The following EHD4 variants were observed in gnomAD, a reference collection of about 807,000 sequenced individuals.
EHD4 encodes EH domain-containing protein 4.
Under a neutral mutation model 51.0 loss-of-function variants are expected in EHD4, and 37 were observed. The ratio of observed to expected loss-of-function variants is 0.73; its 90% CI spans 0.56 to 0.95. The LOEUF is 0.95. EHD4 is among the 40% of genes least tolerant of loss of function. The probability of loss-of-function intolerance (pLI) is 0.00; values close to 1 mark genes in which losing one functional copy is unlikely to be tolerated. For synonymous variants in EHD4, 297 were observed against 317.3 expected (o/e 0.94, Z 0.68); for missense variants, 632 against 733.1 (o/e 0.86, Z 1.59).
At chr15:41,970,573 T>C (rs1216781196) in intron 1 of EHD4, among the ~76,000 whole-genome samples, 5 of 152,268 alleles carry the variant, frequency 3.3e-5, no homozygotes, top group African/African-American at 9.6e-5. Context: ...GTTGTATTCA[T>C]CTTCCTGGGA....
intron 5 of EHD4, among the ~76,000 whole-genome samples, 192 bp from the exon 6 acceptor site, chr15:41,901,373 T>C (rs12441018): frequency 6.6e-6 from 1 of 152,116 alleles, no homozygotes; most frequent in East Asian, 1.9e-4. Context: ...AAGAAACAAG[T>C]GTTTTTCCTA....
intron 3 of EHD4, 113 bp from the exon 4 acceptor site, chr15:41,919,735 C>G: frequency 9.2e-7 from 1 of 1,088,428 alleles, no homozygotes; most frequent in Non-Finnish European, 1.2e-6. Flanking sequence ...AGCCCTGTCT[C>G]CAACCTGGAG....
intron 4 of EHD4, 103 bp from the exon 5 acceptor site, chr15:41,909,966 C>T: frequency 1.4e-6 from 2 of 1,432,276 alleles, no homozygotes; most frequent in Non-Finnish European, 1.9e-6. Context: ...TAACAGGTAC[C>T]CACACAAACC....
chr15:41,948,229 G>T (rs914260564), intron 2 of EHD4, among the ~76,000 whole-genome samples: 1 of 152,124 alleles, frequency 6.6e-6, no homozygotes, highest in Non-Finnish European at 1.5e-5. Flanking sequence ...CTCCAGCATA[G>T]GTGATGGAGC....
Position 41,903,858 on chromosome 15 carries a change from C to T in EHD4, c.1090-2677G>A, listed in dbSNP as rs913083319. 2.0e-5 allele frequency among the ~76,000 whole-genome samples: 3 copies of T among 152,152 alleles called. No homozygotes were observed. In the South Asian group the frequency reaches 6.2e-4, roughly 32 times the overall value. ...CAGCCATCAAACCATGCAAACCCAG[C>T]GTGTGGCCCCTGCTCAGCTCAGAGC... On this transcript the variant is annotated intron_variant, in intron 5 of 5. Coordinates refer to ENST00000220325, the MANE Select transcript of EHD4 (RefSeq NM_139265.4).
intron 1 of EHD4, among the ~76,000 whole-genome samples, chr15:41,970,090 G>A (rs2067986328): frequency 1.3e-5 from 2 of 152,144 alleles, no homozygotes; most frequent in Admixed American, 6.5e-5. Flanking sequence ...TACAGTGTCT[G>A]GGGTGATATT....
intron 5 of EHD4, among the ~76,000 whole-genome samples, chr15:41,906,504 G>A (rs1309394830): frequency 2.6e-5 from 4 of 152,294 alleles, no homozygotes; most frequent in Non-Finnish European, 5.9e-5. Flanking sequence ...CAGGACAAAA[G>A]CTTGGGACCC....
intron 3 of EHD4, among the ~76,000 whole-genome samples, chr15:41,935,256 AT>A (rs2067724325): frequency 6.6e-6 from 1 of 151,988 alleles, no homozygotes; most frequent in Non-Finnish European, 1.5e-5. Context: ...CTTTGTTTCA[AT>A]TGCATTTGTT....
chr15:41,900,815 T>C lies in EHD4; in HGVS notation c.1456A>G (p.Lys486Glu). ...TSKLPNSVLGKIWKLADCDCD... is the reference protein window; with the variant it reads ...TSKLPNSVLGEIWKLADCDCD... Reference sequence around the variant, plus strand: ...TCGCAGTCGGCCAGCTTCCAGATCTTGCCCAGGACGCTGTTGGGCAGCTTG... The same window carrying C: ...TCGCAGTCGGCCAGCTTCCAGATCTCGCCCAGGACGCTGTTGGGCAGCTTG... Residue 486 changes from lysine to glutamate, a missense_variant, in exon 6 of 6, where the codon AAG becomes GAG. Transcript: ENST00000220325. This position sits in a 1 kb window ranked among gnomAD's most constrained non-coding sequence, Gnocchi z 4.8. 1 of 1,614,142 alleles carries C rather than the reference T, an allele frequency of 6.2e-7. No individual in the cohort carries two copies. Among genetic ancestry groups the C allele is most frequent in the Non-Finnish European group, 8.5e-7 (1 of 1,180,026 alleles).
intron 3 of EHD4, among the ~76,000 whole-genome samples, chr15:41,926,561 T>TTCCTCACTAA: frequency 6.6e-6 from 1 of 152,204 alleles, no homozygotes; most frequent in Non-Finnish European, 1.5e-5. Context: ...CAAGAGTTCC[T>TTCCTCACTAA]TCTTGTCCCC....
At chr15:41,916,398 C>T (rs1401394234) in intron 4 of EHD4, among the ~76,000 whole-genome samples, 1 of 152,158 alleles carries the variant, frequency 6.6e-6, no homozygotes, top group Non-Finnish European at 1.5e-5. Flanking sequence ...CCTTTCTGAG[C>T]TTCCGTTCCC....
chr15:41,930,210 A>G (rs539325263), intron 3 of EHD4, among the ~76,000 whole-genome samples: 1 of 152,052 alleles, frequency 6.6e-6, no homozygotes, highest in African/African-American at 2.4e-5. Context: ...TTCTGATATT[A>G]TTATATATTA....
intron 4 of EHD4, among the ~76,000 whole-genome samples, chr15:41,910,441 T>C (rs541278241): frequency 6.6e-6 from 1 of 152,262 alleles, no homozygotes; most frequent in East Asian, 1.9e-4. Context: ...CCCAGAAACC[T>C]TGATCACTGG....
intron 5 of EHD4, among the ~76,000 whole-genome samples, chr15:41,907,232 G>A (rs370882048): frequency 6.6e-6 from 1 of 152,238 alleles, no homozygotes; most frequent in East Asian, 1.9e-4. Context: ...CCCCAACTGG[G>A]CCACAGCTCA....
chr15:41,962,594 T>G (rs1344868508), intron 1 of EHD4, among the ~76,000 whole-genome samples: 1 of 148,354 alleles, frequency 6.7e-6, no homozygotes, highest in Non-Finnish European at 1.5e-5. Flanking sequence ...TACTTCCAGG[T>G]GGGTTAAAAA....
At chr15:41,927,979 G>T (rs928596858) in intron 3 of EHD4, among the ~76,000 whole-genome samples, 23 of 152,174 alleles carry the variant, frequency 1.5e-4, no homozygotes, top group African/African-American at 5.5e-4. Context: ...AAAAAGGGTT[G>T]TTACTAACTA....
At position 41,909,890 on chromosome 15, in the gene EHD4, A is replaced by C. The variant is rs372754280; in HGVS notation, c.925-27T>G. 2.5e-5 allele frequency: 41 copies of C among 1,612,834 alleles called. No individual in the cohort carries two copies. The African/African-American group carries it at 5.2e-4, about 20-fold the overall frequency. On this transcript the variant is annotated intron_variant, in intron 4 of 5. Transcript: ENST00000220325. ...TGGAGGGGTATAGATCAGGCAGGGAAGTGTCATTTAGAATTGCATCAGAGA... is the reference window on the plus strand; with the variant it reads ...TGGAGGGGTATAGATCAGGCAGGGACGTGTCATTTAGAATTGCATCAGAGA...
chr15:41,966,032 T>C (rs919320953), intron 1 of EHD4, among the ~76,000 whole-genome samples: 4 of 150,046 alleles, frequency 2.7e-5, no homozygotes, highest in Non-Finnish European at 5.9e-5. Context: ...GCTCCAAGTC[T>C]TGCCTCCTCT....
intron 5 of EHD4, among the ~76,000 whole-genome samples, chr15:41,903,825 A>G (rs2067494733): frequency 6.6e-6 from 1 of 152,154 alleles, no homozygotes; most frequent in African/African-American, 2.4e-5. Context: ...CTCAGGAAGT[A>G]AAGTCAGCAG....
Sources: gnomAD v4.1 joint callset for allele counts (sites outside exome capture counted in the v4.1 genomes callset) on GRCh38, gnomAD v4.1.1 for gene constraint, Gnocchi (gnomAD v3.1) non-coding constraint, MANE v1.5 for transcripts, NCBI Gene and HGNC (gene_info 2026-07-23, HGNC 2026-07-21) for gene names.